The following WASF3 variants were observed in gnomAD, a reference collection of about 807,000 sequenced individuals.
WASF3 encodes the protein actin-binding protein WASF3.
In WASF3, 11 loss-of-function variants were observed where a neutral mutation model predicts 46.6. The observed-to-expected ratio is 0.24, with a 90% CI of 0.15 to 0.39. The LOEUF (loss-of-function observed/expected upper bound fraction) is 0.39, where lower values mean the gene tolerates loss of function less well. Among genes scored for constraint, WASF3 ranks in the 10% least tolerant of loss-of-function variants. WASF3 has a pLI of 1.00. For synonymous variants in WASF3, 242 were observed against 259.7 expected (o/e 0.93, Z 0.65); for missense variants, 576 against 669.8 (o/e 0.86, Z 1.55).
intron 1 of WASF3, among the ~76,000 whole-genome samples, chr13:26,565,968 C>A (rs1240183764): frequency 6.6e-6 from 1 of 152,186 alleles, no homozygotes; most frequent in Non-Finnish European, 1.5e-5. Flanking sequence ...TTCAGAACAT[C>A]ATTTGAAATA....
chr13:26,645,223 A>T (rs948541544), intron 3 of WASF3, among the ~76,000 whole-genome samples: 3 of 152,132 alleles, frequency 2.0e-5, no homozygotes, highest in African/African-American at 7.2e-5. Flanking sequence ...TGCCCTTATT[A>T]AAAAGGCCTG....
intron 1 of WASF3, among the ~76,000 whole-genome samples, chr13:26,596,277 T>G (rs1353798524): frequency 6.6e-6 from 1 of 152,102 alleles, no homozygotes. Flanking sequence ...CGTCTGTATA[T>G]CCTCTTTGGT....
intron 2 of WASF3, among the ~76,000 whole-genome samples, chr13:26,625,153 G>A (rs1483876960): frequency 6.6e-6 from 1 of 152,018 alleles, no homozygotes; most frequent in African/African-American, 2.4e-5. Flanking sequence ...AGTAATGTGG[G>A]GTTTATAAGA....
intron 7 of WASF3, among the ~76,000 whole-genome samples, 182 bp downstream of exon 7, chr13:26,676,906 A>C (rs555805947): frequency 6.6e-6 from 1 of 152,254 alleles, no homozygotes; most frequent in East Asian, 1.9e-4. Flanking sequence ...AGACAGTGTT[A>C]TTTTACATTG....
intron 1 of WASF3, among the ~76,000 whole-genome samples, chr13:26,592,651 C>T (rs1461016340): frequency 6.6e-6 from 1 of 152,174 alleles, no homozygotes; most frequent in African/African-American, 2.4e-5. Flanking sequence ...ACTATAAAGG[C>T]CCTACCTCCA....
At chr13:26,550,583 A>G in the WASF3 span, among the ~76,000 whole-genome samples, 2 of 152,362 alleles carry the variant, frequency 1.3e-5, no homozygotes, top group Admixed American at 1.3e-4. Context: ...AATCCTGATT[A>G]GTTTAATTCA....
intron 3 of WASF3, among the ~76,000 whole-genome samples, chr13:26,653,381 T>C (rs1312806472): frequency 6.6e-6 from 1 of 152,210 alleles, no homozygotes; most frequent in East Asian, 1.9e-4. Flanking sequence ...CAAGATTCCT[T>C]GAAGGATGTA....
the WASF3 span, among the ~76,000 whole-genome samples, chr13:26,540,172 C>T: frequency 6.6e-6 from 1 of 152,126 alleles, no homozygotes; most frequent in Admixed American, 6.5e-5. Flanking sequence ...GGTTGGGCAA[C>T]AAAAACAAGA....
At chr13:26,577,351 T>C (rs1879831457) in intron 1 of WASF3, 1 of 763,838 alleles carries the variant, frequency 1.3e-6, no homozygotes, top group East Asian at 2.4e-5. Flanking sequence ...CCTTTTATGC[T>C]CAGCACCAAC....
At chr13:26,667,395 C>T in intron 4 of WASF3, 122 bp from the exon 5 acceptor site, 12 of 834,218 alleles carry the variant, frequency 1.4e-5, no homozygotes, top group Non-Finnish European at 2.0e-5. Flanking sequence ...TTTAAATGGA[C>T]AATAAAAAAT....
intron 1 of WASF3, among the ~76,000 whole-genome samples, chr13:26,573,997 A>T (rs191322112): frequency 1.3e-5 from 2 of 152,232 alleles, no homozygotes; most frequent in East Asian, 3.8e-4. Flanking sequence ...TTTCCATTGT[A>T]TAACTGTACC....
intron 7 of WASF3, among the ~76,000 whole-genome samples, chr13:26,677,089 A>G (rs545859602): frequency 1.1e-4 from 16 of 152,316 alleles, no homozygotes; most frequent in African/African-American, 3.6e-4. Flanking sequence ...TTCCTTTGCC[A>G]CTTGGTATCT....
intron 1 of WASF3, among the ~76,000 whole-genome samples, chr13:26,599,184 C>CTTTTTTTTTTTTTT (rs57148941): frequency 4.2e-5 from 5 of 118,290 alleles, no homozygotes; most frequent in Admixed American, 9.9e-5. Context: ...CTTTTCATTT[C>CTTTTTTTTTTTTTT]TTTTTTTTTT....
intron 1 of WASF3, among the ~76,000 whole-genome samples, chr13:26,596,364 G>A (rs1300990602): frequency 6.7e-6 from 1 of 149,074 alleles, no homozygotes; most frequent in African/African-American, 2.5e-5. Flanking sequence ...AGTTTTGAGA[G>A]TTCTCTCTCT....
chr13:26,543,162 T>C, the WASF3 span, among the ~76,000 whole-genome samples: 58,908 of 151,524 alleles, frequency 0.39, 11,687 homozygotes, highest in South Asian at 0.49. Flanking sequence ...GACGTGGAGG[T>C]GGTGGGAATG....
At chr13:26,591,570 C>A (rs1215175962) in intron 1 of WASF3, among the ~76,000 whole-genome samples, 4 of 152,098 alleles carry the variant, frequency 2.6e-5, no homozygotes, top group Non-Finnish European at 2.9e-5. Context: ...GAGGGGGAGA[C>A]TACGAGCTCT....
At chr13:26,612,911 T>C (rs1881021339) in intron 1 of WASF3, 50 bp from the exon 2 acceptor site, 1 of 152,206 alleles carries the variant, frequency 6.6e-6, no homozygotes, top group Non-Finnish European at 1.5e-5. Flanking sequence ...TCTTGAAGAC[T>C]TGAATGCATT....
chr13:26,603,258 A>C (rs905197656), intron 1 of WASF3, among the ~76,000 whole-genome samples: 1 of 152,132 alleles, frequency 6.6e-6, no homozygotes, highest in African/African-American at 2.4e-5. Flanking sequence ...GTTGGACTGT[A>C]GTTAATGTGA....
At chr13:26,627,575 G>C (rs183507958) in intron 2 of WASF3, among the ~76,000 whole-genome samples, 2 of 152,110 alleles carry the variant, frequency 1.3e-5, no homozygotes, top group Admixed American at 6.5e-5. Flanking sequence ...CTGGGGGGAC[G>C]TGAAATGTGG....
Sources: gnomAD v4.1 joint callset for allele counts (sites outside exome capture counted in the v4.1 genomes callset) on GRCh38, gnomAD v4.1.1 for gene constraint, MANE v1.5 for transcripts, NCBI Gene and HGNC (gene_info 2026-07-23, HGNC 2026-07-21) for gene names.